LOXL2: variants seen among roughly 807,000 people sequenced by gnomAD.
LOXL2 encodes the protein lysyl oxidase like 2, also known as lysyl oxidase homolog 2.
A neutral mutation model predicts 93.0 loss-of-function variants in LOXL2; 70 were observed. The ratio of observed to expected loss-of-function variants is 0.75; its 90% CI spans 0.62 to 0.92. The LOEUF (loss-of-function observed/expected upper bound fraction) is 0.92, where lower values mean the gene tolerates loss of function less well. LOXL2 is among the 40% of genes least tolerant of loss of function. The pLI is 0.00. For synonymous variants in LOXL2, 438 were observed against 413.2 expected, an observed-to-expected ratio of 1.06 and a Z score of -0.73; for missense variants, 973 against 1,054.9, an observed-to-expected ratio of 0.92 and a Z score of 1.08.
chr8:23,385,973 TG>T (rs1189063447), intron 1 of LOXL2: 2 of 765,194 alleles, frequency 2.6e-6, no homozygotes, highest in African/African-American at 3.4e-5. Flanking sequence ...CCCCATATGG[TG>T]GTGGCTGCCA....
chr8:23,402,038 GTGCACACACA>G (rs1381759555), intron 1 of LOXL2, among the ~76,000 whole-genome samples: 10 of 150,826 alleles, frequency 6.6e-5, no homozygotes, highest in Middle Eastern at 7.0e-3. Flanking sequence ...GCACACATGC[GTGCACACACA>G]TACACACAAG....
At chr8:23,349,749 C>A (rs1212869132) in intron 3 of LOXL2, among the ~76,000 whole-genome samples, 1 of 151,936 alleles carries the variant, frequency 6.6e-6, no homozygotes, top group Non-Finnish European at 1.5e-5. Flanking sequence ...TTTTGTATTA[C>A]CCACACAGTA....
At position 23,298,043 on chromosome 8, in the gene LOXL2, T is replaced by C; in HGVS notation, c.2325A>G (p.Ter775=). ...ACAGGAGTTGACCACGCAGGCTTCT[T>C]TACTGCGGGGACAGCTGGTTGTTTA... The part of the protein sequence containing the change: ...GLLNNQLSPQ[*] The change falls in exon 14 of 14, where the codon TAA becomes TAG. Residue 775 remains the stop codon, a stop_retained_variant. Coordinates refer to ENST00000389131, the MANE Select transcript of LOXL2 (RefSeq NM_002318.3). The C allele has an allele frequency of 6.2e-7, 1 of 1,613,422 alleles. No individual in the cohort carries two copies. Among genetic ancestry groups the C allele is most frequent in the Non-Finnish European group, 8.5e-7 (1 of 1,179,700 alleles).
chr8:23,390,524 G>A (rs1453657356), intron 1 of LOXL2, among the ~76,000 whole-genome samples: 1 of 152,220 alleles, frequency 6.6e-6, no homozygotes, highest in Non-Finnish European at 1.5e-5. Flanking sequence ...CCAAAAAGAG[G>A]TCTTTGTTGG....
chr8:23,338,203 ACCTCCCACTGGGTC>A (rs1803826015), intron 4 of LOXL2, among the ~76,000 whole-genome samples: 1 of 152,132 alleles, frequency 6.6e-6, no homozygotes, highest in African/African-American at 2.4e-5. Flanking sequence ...TGATTCAGTT[ACCTCCCACTGGGTC>A]CCTCCCACGA....
intron 3 of LOXL2, among the ~76,000 whole-genome samples, chr8:23,358,886 G>A (rs1181703842): frequency 2.0e-5 from 3 of 148,174 alleles, no homozygotes; most frequent in Non-Finnish European, 4.4e-5. Flanking sequence ...CTGTCACCCA[G>A]GCTGGAGTGC....
intron 3 of LOXL2, among the ~76,000 whole-genome samples, chr8:23,357,628 G>A (rs1804221502): frequency 6.7e-6 from 1 of 148,990 alleles, no homozygotes; most frequent in Admixed American, 6.7e-5. Flanking sequence ...AAAGCTCACT[G>A]ATGTTTTGGC....
At chr8:23,343,786 G>A (rs1338973362) in intron 3 of LOXL2, among the ~76,000 whole-genome samples, 3 of 152,124 alleles carry the variant, frequency 2.0e-5, no homozygotes, top group Admixed American at 6.5e-5. Context: ...CGCAGGACCC[G>A]TGCCACCAAG....
At chr8:23,354,949 A>ATATATATATATT (rs1563200180) in intron 3 of LOXL2, among the ~76,000 whole-genome samples, 2 of 77,696 alleles carry the variant, frequency 2.6e-5, no homozygotes, top group Non-Finnish European at 4.7e-5. Context: ...ATATATATAT[A>ATATATATATATT]TTTTTTTTTT....
intron 3 of LOXL2, among the ~76,000 whole-genome samples, chr8:23,348,145 C>T (rs1426259203): frequency 6.6e-6 from 1 of 151,848 alleles, no homozygotes; most frequent in Non-Finnish European, 1.5e-5. Flanking sequence ...TCTGAGCAAA[C>T]TATCACAAGG....
rs1016409368 is a variant in LOXL2, at chr8:23,330,443, C to G, written c.967-1878G>C. On this transcript the variant is annotated intron_variant, in intron 5 of 13. Coordinates refer to ENST00000389131, the MANE Select transcript of LOXL2 (RefSeq NM_002318.3). ...ACCTCTGTTTTCTGTAGAATGGTGG[C>G]CTCCTGCTTCCCTGACCTCCCTTCC... Among the ~76,000 whole-genome samples, 6 of 152,282 alleles carry G rather than the reference C, an allele frequency of 3.9e-5. No individual in the cohort carries two copies. In the South Asian group the frequency reaches 6.2e-4, roughly 16 times the overall value.
intron 3 of LOXL2, among the ~76,000 whole-genome samples, chr8:23,354,899 C>A (rs1453670892): frequency 6.7e-6 from 1 of 148,646 alleles, no homozygotes; most frequent in Non-Finnish European, 1.5e-5. Flanking sequence ...TATCTTCCAT[C>A]ACGCTCCTCT....
intron 2 of LOXL2, among the ~76,000 whole-genome samples, chr8:23,366,731 C>A (rs7835575): frequency 0.26 from 39,863 of 152,158 alleles, 7,889 homozygotes; most frequent in African/African-American, 0.55. Context: ...GAGGTCTGGG[C>A]TGCAGCTCAG....
rs1023887244 is a variant in LOXL2 at position 23,333,341 on chromosome 8, C to T, written c.966+60G>A. On this transcript the variant is annotated intron_variant, in intron 5 of 13. Coordinates refer to ENST00000389131, the MANE Select transcript of LOXL2 (RefSeq NM_002318.3). ...TCTCCTGGGGGATCCTGCCTACTCCCTCAACACCCTCCCATCCCCTCCAGG... is the reference window on the plus strand; with the variant it reads ...TCTCCTGGGGGATCCTGCCTACTCCTTCAACACCCTCCCATCCCCTCCAGG... 4.0e-6 allele frequency: 6 copies of T among 1,501,810 alleles called. No homozygotes were observed. In the African/African-American group the frequency reaches 6.9e-5, roughly 17 times the overall value. 93.0% of individuals were successfully genotyped at this position (1,501,810 alleles called of 1,614,324 possible).
chr8:23,392,901 G>A (rs1800030182), intron 1 of LOXL2, among the ~76,000 whole-genome samples: 2 of 152,072 alleles, frequency 1.3e-5, no homozygotes, highest in South Asian at 4.1e-4. Context: ...AAAATTAACT[G>A]TATTTCTATA....
At position 23,316,930 on chromosome 8, in the gene LOXL2, G is replaced by C. The variant is rs368479016; in HGVS notation, c.1636+19C>G. ...GTCCCCTTGGGAGCCCGGTGGGGAG[G>C]GAGGGGAGGAGCTCTCACTTTCTGA... On this transcript the variant is annotated intron_variant, in intron 9 of 13. Coordinates refer to ENST00000389131, the MANE Select transcript of LOXL2 (RefSeq NM_002318.3). 2.8e-4 allele frequency: 444 copies of C among 1,565,518 alleles called. 1 individual carries two copies. Among genetic ancestry groups the C allele is most frequent in the Non-Finnish European group, 3.5e-4 (402 of 1,155,348 alleles).
In LOXL2 at chr8:23,392,787, A is replaced by G. The variant is rs192444122; in HGVS notation, c.-84+11167T>C. ...CTTCATGAACACCTACTCTTTAAGA[A>G]TCGACTCACGTGTGTGTATAAAACA... On this transcript the variant is annotated intron_variant, in intron 1 of 13. Transcript: ENST00000389131. Among the ~76,000 whole-genome samples the G allele has an allele frequency of 2.6e-5, 4 of 152,306 alleles. No individual in the cohort carries two copies. In the East Asian group the frequency reaches 5.8e-4, roughly 22 times the overall value.
chr8:23,371,633 T>G (rs1006469718), intron 1 of LOXL2, among the ~76,000 whole-genome samples: 1 of 151,228 alleles, frequency 6.6e-6, no homozygotes. Flanking sequence ...GCACCTGTAG[T>G]CCCAGCTACT....
chr8:23,353,376 C>A (rs752240891), intron 3 of LOXL2, among the ~76,000 whole-genome samples: 3 of 151,592 alleles, frequency 2.0e-5, no homozygotes, highest in Non-Finnish European at 4.4e-5. Flanking sequence ...CTCCTACTTA[C>A]CTCCTTTTAA....
Sources: allele counts gnomAD v4.1 joint callset (sites outside exome capture counted in the v4.1 genomes callset), GRCh38; gene constraint gnomAD v4.1.1; transcripts MANE v1.5; gene names NCBI Gene and HGNC (gene_info 2026-07-23, HGNC 2026-07-21).